FRMPD1: variants seen among roughly 807,000 people sequenced by gnomAD.
FRMPD1 encodes FERM and PDZ domain-containing protein 1.
A neutral mutation model predicts 117.8 loss-of-function variants in FRMPD1; 76 were observed. The ratio of observed to expected loss-of-function variants is 0.65; its 90% CI spans 0.54 to 0.78. The LOEUF (loss-of-function observed/expected upper bound fraction) is 0.78. Among genes scored for constraint, FRMPD1 ranks in the 30% least tolerant of loss-of-function variants. The pLI, the probability that FRMPD1 is intolerant of heterozygous loss-of-function variation, is 0.00. For synonymous variants in FRMPD1, 783 were observed against 770.4 expected (o/e 1.02, Z -0.27); for missense variants, 1,786 against 1,964.5 (o/e 0.91, Z 1.72).
chr9:37,616,920 T>A, the FRMPD1 span, among the ~76,000 whole-genome samples: 1 of 152,196 alleles, frequency 6.6e-6, no homozygotes, highest in African/African-American at 2.4e-5. Context: ...ACAGGAAACA[T>A]AGGGTTGAAC....
In FRMPD1 at chr9:37,707,577, G is replaced by A. The variant is rs760911278; in HGVS notation, c.259+4G>A. On this transcript the variant is annotated splice_donor_region_variant and intron_variant, in intron 3 of 15. Transcript: ENST00000377765. Reference sequence around the variant, plus strand: ...ACAGTGGTGGCTGTCACAGCAGGTAGGGGATGACTGGGAAATGAGAAAGGA... The same window carrying A: ...ACAGTGGTGGCTGTCACAGCAGGTAAGGGATGACTGGGAAATGAGAAAGGA... The A allele has an allele frequency of 6.2e-7, 1 of 1,610,294 alleles. No individual in the cohort carries two copies. Among genetic ancestry groups the A allele is most frequent in the East Asian group, 2.2e-5 (1 of 44,880 alleles).
At chr9:37,616,744 G>T in the FRMPD1 span, among the ~76,000 whole-genome samples, 1 of 152,120 alleles carries the variant, frequency 6.6e-6, no homozygotes, top group African/African-American at 2.4e-5. Flanking sequence ...CTGTAGATGG[G>T]TCTAGTCTCT....
chr9:37,642,042 T>A, the FRMPD1 span, among the ~76,000 whole-genome samples: 4 of 152,200 alleles, frequency 2.6e-5, no homozygotes, highest in African/African-American at 9.6e-5. Context: ...AAATTTAAAT[T>A]TCTGGATCAC....
the FRMPD1 span, among the ~76,000 whole-genome samples, chr9:37,637,830 A>G: frequency 6.6e-6 from 1 of 152,192 alleles, no homozygotes; most frequent in Admixed American, 6.5e-5. Flanking sequence ...AGTGTTACAC[A>G]AGGACAAATG....
At chr9:37,650,157 A>G (rs1001129375), upstream of FRMPD1, among the ~76,000 whole-genome samples, 2 of 152,186 alleles carry the variant, frequency 1.3e-5, no homozygotes, top group Non-Finnish European at 2.9e-5. Flanking sequence ...CTAATGCAGG[A>G]TATGGACCTC....
intron 7 of FRMPD1, among the ~76,000 whole-genome samples, chr9:37,728,386 C>T (rs1248196320): frequency 6.6e-6 from 1 of 152,142 alleles, no homozygotes. Flanking sequence ...CCAGAGAAAG[C>T]CTCTCTAAGA....
At chr9:37,693,964 C>T (rs2118043193) in intron 2 of FRMPD1, among the ~76,000 whole-genome samples, 1 of 152,294 alleles carries the variant, frequency 6.6e-6, no homozygotes, top group South Asian at 2.1e-4. Flanking sequence ...GTAGCACTGG[C>T]ATTGTGCTCC....
chr9:37,730,917 T>A, intron 8 of FRMPD1, 67 bp from the exon 9 acceptor site: 1 of 1,547,918 alleles, frequency 6.5e-7, no homozygotes, highest in Non-Finnish European at 8.9e-7. Context: ...TATAGAGTGG[T>A]TTTGTGGAAT....
rs760670232 is a variant in FRMPD1, at chr9:37,745,326, C to T, written c.3294C>T (p.Ile1098=). 5.0e-6 allele frequency: 8 copies of T among 1,611,062 alleles called. No homozygotes were observed. The highest frequency in any genetic ancestry group is 6.8e-6 in the Non-Finnish European group (8 of 1,177,224). The change falls in exon 16 of 16, where the codon ATC becomes ATT. Residue 1098 remains isoleucine, a synonymous_variant. Coordinates refer to ENST00000377765, the MANE Select transcript of FRMPD1 (RefSeq NM_014907.3). The part of the protein sequence containing the change: ...GINPGEKIAS[I]PTKEEPQGQL... The stretch of plus-strand genomic sequence containing the variant: ...ATCCAGGAGAGAAGATAGCTTCTAT[C>T]CCTACAAAGGAAGAGCCACAAGGAC...
chr9:37,651,880 G>T (rs1290074811), intron 1 of FRMPD1, among the ~76,000 whole-genome samples: 1 of 152,206 alleles, frequency 6.6e-6, no homozygotes, highest in Admixed American at 6.5e-5. Flanking sequence ...CCGGATCTCT[G>T]CATTTAGTCA....
chr9:37,621,633 G>T, the FRMPD1 span, among the ~76,000 whole-genome samples: 1 of 152,228 alleles, frequency 6.6e-6, no homozygotes, highest in Non-Finnish European at 1.5e-5. Flanking sequence ...GCTGGCTAAT[G>T]CTTTGGCTGT....
At chr9:37,642,805 C>T in the FRMPD1 span, among the ~76,000 whole-genome samples, 36,496 of 152,022 alleles carry the variant, frequency 0.24, 4,995 homozygotes, top group East Asian at 0.46. Flanking sequence ...AATATAATTA[C>T]TAAAATGTTA....
At chr9:37,619,287 G>A in the FRMPD1 span, among the ~76,000 whole-genome samples, 5 of 152,068 alleles carry the variant, frequency 3.3e-5, no homozygotes, top group Non-Finnish European at 7.3e-5. Flanking sequence ...TTCACAACCC[G>A]GGCCTATAAC....
At chr9:37,695,016 T>C (rs1044395248) in intron 2 of FRMPD1, among the ~76,000 whole-genome samples, 12 of 151,808 alleles carry the variant, frequency 7.9e-5, no homozygotes, top group African/African-American at 2.7e-4. Flanking sequence ...AATAGATAGA[T>C]AGATAGATAG....
At chr9:37,742,378 C>G (rs796709977) in intron 15 of FRMPD1, among the ~76,000 whole-genome samples, 13 of 152,334 alleles carry the variant, frequency 8.5e-5, no homozygotes, top group South Asian at 6.2e-4. Flanking sequence ...GGGGTTCATA[C>G]CAGACACTGT....
At chr9:37,647,556 A>G (rs1333750231), upstream of FRMPD1, among the ~76,000 whole-genome samples, 1 of 151,708 alleles carries the variant, frequency 6.6e-6, no homozygotes, top group East Asian at 1.9e-4. Flanking sequence ...GACAGCTGTT[A>G]GGGTAAAACT....
upstream of FRMPD1, among the ~76,000 whole-genome samples, chr9:37,650,691 G>C (rs1820640404): frequency 6.6e-6 from 1 of 152,122 alleles, no homozygotes; most frequent in African/African-American, 2.4e-5. Flanking sequence ...CTCCCCCCTG[G>C]GTACTCAGCG....
chr9:37,736,493 T>C (rs570040151), intron 13 of FRMPD1, among the ~76,000 whole-genome samples: 76 of 148,190 alleles, frequency 5.1e-4, no homozygotes, highest in African/African-American at 1.8e-3. Flanking sequence ...GATTGCACCA[T>C]TGCACTCCAG....
chr9:37,677,359 A>G (rs1821566255), intron 1 of FRMPD1, among the ~76,000 whole-genome samples: 1 of 152,246 alleles, frequency 6.6e-6, no homozygotes, highest in Non-Finnish European at 1.5e-5. Flanking sequence ...ATGTGGAGTC[A>G]AATCTCAGCC....
Sources: gnomAD v4.1 joint callset for allele counts (sites outside exome capture counted in the v4.1 genomes callset) on GRCh38, gnomAD v4.1.1 for gene constraint, MANE v1.5 for transcripts, NCBI Gene and HGNC (gene_info 2026-07-23, HGNC 2026-07-21) for gene names.